FKBP2: variants seen among roughly 807,000 people sequenced by gnomAD.
FKBP2 encodes peptidyl-prolyl cis-trans isomerase FKBP2.
In FKBP2, 15 loss-of-function variants were observed where a neutral mutation model predicts 19.4. That is an observed-to-expected ratio of 0.77 (90% CI 0.52 to 1.19). The LOEUF (loss-of-function observed/expected upper bound fraction) is 1.19. FKBP2 is among the 50% of genes most tolerant of loss of function. The pLI, the probability that FKBP2 is intolerant of heterozygous loss-of-function variation, is 0.00. For missense variants in FKBP2, 170 were observed against 179.0 expected (o/e 0.95, Z 0.29); for synonymous variants, 76 against 74.8 (o/e 1.02, Z -0.08).
At position 64,242,498 on chromosome 11, in the gene FKBP2, G is replaced by A; in HGVS notation, c.111G>A (p.Lys37=). The change falls in exon 2 of 6, where the codon AAG becomes AAA. Residue 37 remains lysine (K), a synonymous_variant. Transcript: ENST00000309366. The stretch of plus-strand genomic sequence containing the variant: ...GGAAGCTGCAGATCGGGGTCAAGAA[G>A]CGGGTGGACCACTGTCCCATCAAAT... The part of the protein sequence containing the change: ...GKRKLQIGVK[K]RVDHCPIKSR... 6.4e-7 allele frequency: 1 copy of A among 1,556,206 alleles called. No homozygotes were observed. The highest frequency in any genetic ancestry group is 8.6e-7 in the Non-Finnish European group (1 of 1,157,788).
chr11:64,244,094 AAAAAAC>A lies in FKBP2; in HGVS notation c.*75_*80del. 1 of 1,544,154 alleles carries A rather than the reference AAAAAAC, an allele frequency of 6.5e-7. No homozygotes were observed. Among genetic ancestry groups the A allele is most frequent in the Non-Finnish European group, 8.9e-7 (1 of 1,128,776 alleles). ...GACCAGACTGTTCCAAAAAAAAAAC[AAAAAAC>A]AAAAACAAACAAAAAAACACTTAAA... On this transcript the variant is annotated 3_prime_UTR_variant, in exon 6 of 6. Coordinates refer to ENST00000309366, the MANE Select transcript of FKBP2 (RefSeq NM_004470.4).
At chr11:64,242,705 C>A in intron 2 of FKBP2, 147 bp downstream of exon 2, 1 of 872,608 alleles carries the variant, frequency 1.1e-6, no homozygotes, top group Non-Finnish European at 1.7e-6. Flanking sequence ...TTCTGCCTTG[C>A]CCTTGCCTAC....
chr11:64,243,730 A>T, intron 4 of FKBP2, 111 bp from the exon 5 acceptor site: 1 of 1,454,770 alleles, frequency 6.9e-7, no homozygotes, highest in Non-Finnish European at 9.6e-7. Flanking sequence ...CATCTCCATT[A>T]CCCTTCTCCA....
In FKBP2 at chr11:64,242,707, C is replaced by G. The variant is rs868810353; in HGVS notation, c.171+149C>G. 6.0e-5 allele frequency: 52 copies of G among 866,332 alleles called. No homozygotes were observed. In the African/African-American group the frequency reaches 7.9e-4, roughly 13 times the overall value. 53.7% of individuals were successfully genotyped at this position (866,332 alleles called of 1,614,324 possible). On this transcript the variant is annotated intron_variant, in intron 2 of 5. Coordinates refer to ENST00000309366, the MANE Select transcript of FKBP2 (RefSeq NM_004470.4). Reference sequence around the variant, plus strand: ...CCAGTTTCCATGGTTCTGCCTTGCCCTTGCCTACTGCCCAGGTGGGCACCA... The same window carrying G: ...CCAGTTTCCATGGTTCTGCCTTGCCGTTGCCTACTGCCCAGGTGGGCACCA...
chr11:64,243,129 G>GA, intron 2 of FKBP2, 70 bp from the exon 3 acceptor site: 1 of 1,420,232 alleles, frequency 7.0e-7, no homozygotes. Context: ...GCTTGATGGG[G>GA]AAAGCAGCTG....
At chr11:64,241,512 C>T (rs1186295959) in intron 1 of FKBP2, among the ~76,000 whole-genome samples, 1 of 146,360 alleles carries the variant, frequency 6.8e-6, no homozygotes, top group African/African-American at 2.6e-5. Flanking sequence ...GGAGCGGAGG[C>T]GCTGGGGGCG....
chr11:64,243,369 G>T, intron 3 of FKBP2, 58 bp downstream of exon 3: 1 of 1,604,668 alleles, frequency 6.2e-7, no homozygotes, highest in South Asian at 1.1e-5. Flanking sequence ...CGCCCAGGAG[G>T]TAAGCTGTGG....
intron 1 of FKBP2, 129 bp from the exon 2 acceptor site, chr11:64,242,255 G>T (rs1379744904): frequency 3.2e-6 from 3 of 945,326 alleles, no homozygotes; most frequent in Admixed American, 3.9e-5. Context: ...GCGGTGACCC[G>T]GGACAAAGGG....
chr11:64,243,895 C>T lies in FKBP2; in HGVS notation c.367+19C>T. ...ATTCCAGGTAGTAAACCTTTTGATA[C>T]CTCCCATCACCTGCAGCCAGCCCAC... On this transcript the variant is annotated intron_variant, in intron 5 of 5. Coordinates refer to ENST00000309366, the MANE Select transcript of FKBP2 (RefSeq NM_004470.4). 2 of 1,614,054 alleles carry T rather than the reference C, an allele frequency of 1.2e-6. No individual in the cohort carries two copies. The highest frequency in any genetic ancestry group is 2.2e-5 in the East Asian group (1 of 44,862).
At chr11:64,243,590 A>G in intron 4 of FKBP2, 93 bp downstream of exon 4, 1 of 1,494,650 alleles carries the variant, frequency 6.7e-7, no homozygotes, top group Non-Finnish European at 9.3e-7. Context: ...TCTTCACCGT[A>G]TCCATTCATT....
At position 64,242,524 on chromosome 11, in the gene FKBP2, C is replaced by T. The variant is rs139945546; in HGVS notation, c.137C>T (p.Ser46Leu). The T allele has an allele frequency of 3.9e-6, 6 of 1,550,656 alleles. No homozygotes were observed. The African/African-American group carries it at 8.6e-5, about 22-fold the overall frequency. Residue 46 changes from serine (S) to leucine (L), a missense_variant, in exon 2 of 6, where the codon TCG becomes TTG. Transcript: ENST00000309366. Reference sequence around the variant, plus strand: ...CGGGTGGACCACTGTCCCATCAAATCGCGCAAAGGGGATGTCCTGCACATG... The same window carrying T: ...CGGGTGGACCACTGTCCCATCAAATTGCGCAAAGGGGATGTCCTGCACATG... ...KKRVDHCPIKSRKGDVLHMHY... is the reference protein window; with the variant it reads ...KKRVDHCPIKLRKGDVLHMHY...
At chr11:64,243,402 G>T in intron 3 of FKBP2, 49 bp from the exon 4 acceptor site, 1 of 1,612,500 alleles carries the variant, frequency 6.2e-7, no homozygotes, top group South Asian at 1.1e-5. Flanking sequence ...AGGGATACAA[G>T]ACAAGGGCCC....
Position 64,244,011 on chromosome 11 carries a change from GC to G in FKBP2, c.412del (p.Arg138AspfsTer?). The G allele has an allele frequency of 6.2e-7, 1 of 1,613,960 alleles. No homozygotes were observed. Among genetic ancestry groups the G allele is most frequent in the Non-Finnish European group, 8.5e-7 (1 of 1,179,976 alleles). On this transcript the variant is annotated frameshift_variant, in exon 6 of 6. Coordinates refer to ENST00000309366, the MANE Select transcript of FKBP2 (RefSeq NM_004470.4). LOFTEE classifies it high-confidence loss of function. Reference sequence around the variant, plus strand: ...TCGAGGTGGAGCTGCTCAAAATAGAGCGACGAACTGAGCTGTAACCAGACTG... The same window carrying G: ...TCGAGGTGGAGCTGCTCAAAATAGAGGACGAACTGAGCTGTAACCAGACTG... ...VFEVELLKIERRTEL is the reference protein window; with the variant it reads ...VFEVELLKIEXRTEL
intron 1 of FKBP2, 134 bp from the exon 2 acceptor site, chr11:64,242,250 G>T (rs2030555871): frequency 3.4e-6 from 3 of 881,188 alleles, no homozygotes; most frequent in South Asian, 2.3e-5. Context: ...AGAGGGCGGT[G>T]ACCCGGGACA....
rs778297765 is a variant in FKBP2 at position 64,243,435 on chromosome 11, ATG to A, written c.285-12_285-11del. On this transcript the variant is annotated splice_polypyrimidine_tract_variant and intron_variant, in intron 3 of 5. Transcript: ENST00000309366. ...CCCTGGGTGCTGCCATGGGCTGAGC[ATG>A]TGTCTTCCTGCAGGATGTGTGAGGG... 10 of 1,613,982 alleles carry A rather than the reference ATG, an allele frequency of 6.2e-6. No homozygotes were observed. Among genetic ancestry groups the A allele is most frequent in the South Asian group, 4.4e-5 (4 of 91,070 alleles).
At position 64,243,278 on chromosome 11, in the gene FKBP2, A is replaced by C; in HGVS notation, c.251A>C (p.Gln84Pro). 1.2e-6 allele frequency: 2 copies of C among 1,610,396 alleles called. No individual in the cohort carries two copies. The highest frequency in any genetic ancestry group is 1.7e-6 in the Non-Finnish European group (2 of 1,178,018). Residue 84 changes from glutamine (Q) to proline (P), a missense_variant, in exon 3 of 6, where the codon CAG becomes CCG. Gln to Pro is a moderately conservative substitution (Grantham distance 76). Coordinates refer to ENST00000309366, the MANE Select transcript of FKBP2 (RefSeq NM_004470.4). ...TTTGTCTTCTCCCTTGGCACAGGCC[A>C]GGTCATCAAGGGCTGGGACCAGGGG... ...QPFVFSLGTG[Q>P]VIKGWDQGLL...
At position 64,243,764 on chromosome 11, in the gene FKBP2, G is replaced by C. The variant is rs970742372; in HGVS notation, c.332-77G>C. 1.3e-5 allele frequency: 20 copies of C among 1,580,498 alleles called. No homozygotes were observed. The African/African-American group carries it at 2.2e-4, about 17-fold the overall frequency. On this transcript the variant is annotated intron_variant, in intron 4 of 5. Transcript: ENST00000309366. The stretch of plus-strand genomic sequence containing the variant: ...CATTTCTGGCCTTCTTGCTGAGAGG[G>C]GCGGAACACTCTCCCTTTGCCCACA...
At position 64,244,040 on chromosome 11, in the gene FKBP2, G is replaced by C. The variant is rs1234921468; in HGVS notation, c.*11G>C. The C allele has an allele frequency of 2.5e-6, 4 of 1,613,424 alleles. No individual in the cohort carries two copies. The highest frequency in any genetic ancestry group is 3.4e-6 in the Non-Finnish European group (4 of 1,179,700). On this transcript the variant is annotated 3_prime_UTR_variant, in exon 6 of 6. Coordinates refer to ENST00000309366, the MANE Select transcript of FKBP2 (RefSeq NM_004470.4). The stretch of plus-strand genomic sequence containing the variant: ...CGAACTGAGCTGTAACCAGACTGGG[G>C]AGGGGCAGGGGGAGAGGCCCCCATC...
chr11:64,242,675 C>T (rs1002324109), intron 2 of FKBP2, 117 bp downstream of exon 2: 23 of 1,130,108 alleles, frequency 2.0e-5, no homozygotes, highest in Middle Eastern at 5.7e-4. Context: ...CCCCTCTCGC[C>T]TCTAAGCCAG....
Sources: allele counts gnomAD v4.1 joint callset (sites outside exome capture counted in the v4.1 genomes callset), GRCh38; gene constraint gnomAD v4.1.1; transcripts MANE v1.5; gene names NCBI Gene and HGNC (gene_info 2026-07-23, HGNC 2026-07-21).